Variants in SESN3 observed in about 807,000 individuals in gnomAD.
The protein encoded by SESN3 is sestrin-3.
In SESN3, 21 loss-of-function variants were observed where a neutral mutation model predicts 55.3. The observed-to-expected ratio is 0.38, with a 90% CI of 0.27 to 0.55. SESN3 has a LOEUF of 0.55. Among genes scored for constraint, SESN3 ranks in the 20% least tolerant of loss-of-function variants. SESN3 has a pLI of 0.76. For synonymous variants in SESN3, 181 were observed against 203.1 expected (o/e 0.89, Z 0.93); for missense variants, 408 against 604.3 (o/e 0.68, Z 3.41).
chr11:95,223,762 C>T lies in SESN3; in HGVS notation c.78+7021G>A, dbSNP rs966799935. Among the ~76,000 whole-genome samples, 9 of 151,254 alleles carry T rather than the reference C, an allele frequency of 6.0e-5. No homozygotes were observed. In the East Asian group the frequency reaches 1.0e-3, roughly 17 times the overall value. On this transcript the variant is annotated intron_variant, in intron 1 of 9. Transcript: ENST00000536441. ...ACTGGCATCAGTAGTAACTCTGGCT[C>T]AGTAGTTCGTAAATGTCTTGGTCCT...
At position 95,185,512 on chromosome 11, in the gene SESN3, C is replaced by A. The variant is rs772684554; in HGVS notation, c.526-20G>T. The A allele has an allele frequency of 9.5e-6, 14 of 1,476,118 alleles. No individual in the cohort carries two copies. The highest frequency in any genetic ancestry group is 1.2e-5 in the Non-Finnish European group (13 of 1,058,214). 91.4% of individuals were successfully genotyped at this position (1,476,118 alleles called of 1,614,324 possible). On this transcript the variant is annotated intron_variant, in intron 4 of 9. Transcript: ENST00000536441. ...AAGTTTCTGAAATAAGAAAGCAAAT[C>A]AGAGCAAATATAAAAATTCTAGAAT... is the stretch of plus-strand genomic sequence containing the variant.
Position 95,177,770 on chromosome 11 carries a change from G to A in SESN3, c.1196C>T (p.Thr399Ile), listed in dbSNP as rs772062473. ...GTTAAATAAAGCTCTGCGCAGCATG[G>A]TTGTGTCAACATCCTCATGGGTGGC... Reference protein sequence around the residue: ...TMATHEDVDTTMLRRALFNYV... With the variant: ...TMATHEDVDTIMLRRALFNYV... Residue 399 changes from threonine to isoleucine, a missense_variant, in exon 8 of 10, where the codon ACC becomes ATC. Physicochemically the swap from Thr to Ile is moderately conservative, Grantham distance 89. Coordinates refer to ENST00000536441, the MANE Select transcript of SESN3 (RefSeq NM_144665.4). 2 of 1,612,706 alleles carry A rather than the reference G, an allele frequency of 1.2e-6. No homozygotes were observed. Among genetic ancestry groups the A allele is most frequent in the South Asian group, 2.2e-5 (2 of 90,824 alleles).
chr11:95,216,257 G>A (rs1860755242), intron 1 of SESN3, among the ~76,000 whole-genome samples: 1 of 152,066 alleles, frequency 6.6e-6, no homozygotes, highest in Non-Finnish European at 1.5e-5. Context: ...GACTATAAAG[G>A]TAGAACAAAA....
At chr11:95,214,967 C>T (rs1468499723) in intron 1 of SESN3, among the ~76,000 whole-genome samples, 1 of 152,118 alleles carries the variant, frequency 6.6e-6, no homozygotes, top group Non-Finnish European at 1.5e-5. Context: ...ACATATTTTT[C>T]TTACAGTGAG....
intron 1 of SESN3, among the ~76,000 whole-genome samples, chr11:95,227,232 C>T (rs1184569583): frequency 3.4e-5 from 5 of 147,496 alleles, no homozygotes; most frequent in African/African-American, 1.0e-4. Context: ...TCTTGTTGCT[C>T]AGGCTGCAGT....
In SESN3 at chr11:95,170,863, A is replaced by T. The variant is rs1859836792; in HGVS notation, c.*2392T>A. On this transcript the variant is annotated 3_prime_UTR_variant, in exon 10 of 10. Coordinates refer to ENST00000536441, the MANE Select transcript of SESN3 (RefSeq NM_144665.4). ...AAGATAGATCAATGCTGAGCTAAAAAGAAACTTTGCAAGGAAAGAGATCTA... is the reference window on the plus strand; with the variant it reads ...AAGATAGATCAATGCTGAGCTAAAATGAAACTTTGCAAGGAAAGAGATCTA... 1 of 152,212 alleles carries T rather than the reference A, an allele frequency of 6.6e-6. No homozygotes were observed. The highest frequency in any genetic ancestry group is 2.4e-5 in the African/African-American group (1 of 41,464). 9.4% of individuals were successfully genotyped at this position (152,212 alleles called of 1,614,324 possible).
chr11:95,202,871 G>T (rs998737110), intron 1 of SESN3, among the ~76,000 whole-genome samples: 1 of 151,970 alleles, frequency 6.6e-6, no homozygotes, highest in Non-Finnish European at 1.5e-5. Context: ...TTTCTGTATT[G>T]TGTAACAATA....
At chr11:95,178,921 T>C in intron 6 of SESN3, 93 bp from the exon 7 acceptor site, 1 of 673,982 alleles carries the variant, frequency 1.5e-6, no homozygotes, top group Non-Finnish European at 2.6e-6. Flanking sequence ...TTTTAGCTTT[T>C]CCATGGATTT....
Position 95,172,708 on chromosome 11 carries a change from T to C in SESN3, c.*547A>G, listed in dbSNP as rs1026236741. 1.3e-5 allele frequency: 2 copies of C among 152,022 alleles called. No homozygotes were observed. The highest frequency in any genetic ancestry group is 1.5e-5 in the Non-Finnish European group (1 of 68,014). The allele number at this position is 152,022 out of a possible 1,614,324, so 9.4% of individuals were successfully genotyped here. Reference sequence around the variant, plus strand: ...CAAATAAAAAACAGTGCCTGACAAATAATCTCCTGGGGACACAAATATGTG... The same window carrying C: ...CAAATAAAAAACAGTGCCTGACAAACAATCTCCTGGGGACACAAATATGTG... On this transcript the variant is annotated 3_prime_UTR_variant, in exon 10 of 10. Coordinates refer to ENST00000536441, the MANE Select transcript of SESN3 (RefSeq NM_144665.4).
intron 1 of SESN3, among the ~76,000 whole-genome samples, chr11:95,209,534 C>A (rs1860610648): frequency 6.6e-6 from 1 of 151,300 alleles, no homozygotes; most frequent in Non-Finnish European, 1.5e-5. Flanking sequence ...TTTGACCCAG[C>A]AATCCCATTA....
chr11:95,178,162 C>T (rs948945058), intron 7 of SESN3, among the ~76,000 whole-genome samples: 9 of 152,134 alleles, frequency 5.9e-5, no homozygotes, highest in Admixed American at 3.3e-4. Context: ...TCAGGTACTA[C>T]GCACACTATC....
Position 95,178,693 on chromosome 11 carries a change from T to G in SESN3, c.1056+17A>C. On this transcript the variant is annotated intron_variant, in intron 7 of 9. Coordinates refer to ENST00000536441, the MANE Select transcript of SESN3 (RefSeq NM_144665.4). Reference sequence around the variant, plus strand: ...GACAGTATGTTCTAGTTTCTCTGAATTAAAGACATATTATACCTGAGCTCG... The same window carrying G: ...GACAGTATGTTCTAGTTTCTCTGAAGTAAAGACATATTATACCTGAGCTCG... 1 of 1,451,038 alleles carries G rather than the reference T, an allele frequency of 6.9e-7. No individual in the cohort carries two copies. The highest frequency in any genetic ancestry group is 1.1e-5 in the South Asian group (1 of 87,782). 89.9% of individuals were successfully genotyped at this position (1,451,038 alleles called of 1,614,324 possible).
At chr11:95,211,485 ATACAAC>A (rs1222755874) in intron 1 of SESN3, among the ~76,000 whole-genome samples, 2 of 152,186 alleles carry the variant, frequency 1.3e-5, no homozygotes, top group Non-Finnish European at 2.9e-5. Context: ...GACATCATCT[ATACAAC>A]TATAAAAGGC....
In SESN3 at chr11:95,231,198, A is replaced by AGTGCGGCCCCGCCT; in HGVS notation, c.-339_-338insAGGCGGGGCCGCAC. 3.0e-6 allele frequency: 1 copy of AGTGCGGCCCCGCCT among 335,248 alleles called. No individual in the cohort carries two copies. The highest frequency in any genetic ancestry group is 5.2e-6 in the Non-Finnish European group (1 of 192,372). The allele number at this position is 335,248 out of a possible 1,614,324, so 20.8% of individuals were successfully genotyped here. On this transcript the variant is annotated 5_prime_UTR_variant, in exon 1 of 10. Coordinates refer to ENST00000536441, the MANE Select transcript of SESN3 (RefSeq NM_144665.4). ...GCCACCACCGCCGCCGCAGCGCCTC[A>AGTGCGGCCCCGCCT]GTGCGGCCCCGCCTCCGCCGCCCCA...
chr11:95,180,923 T>C (rs2134222152), intron 6 of SESN3, among the ~76,000 whole-genome samples: 1 of 152,242 alleles, frequency 6.6e-6, no homozygotes, highest in South Asian at 2.1e-4. Flanking sequence ...CAGCTTATAC[T>C]TTCCTTAATT....
chr11:95,218,589 T>C (rs1315599211), intron 1 of SESN3, among the ~76,000 whole-genome samples: 1 of 151,026 alleles, frequency 6.6e-6, no homozygotes, highest in African/African-American at 2.4e-5. Flanking sequence ...GCAATCTGTA[T>C]AATTTTACAA....
At chr11:95,225,157 A>ATAC (rs1263238361) in intron 1 of SESN3, among the ~76,000 whole-genome samples, 3 of 152,324 alleles carry the variant, frequency 2.0e-5, no homozygotes, top group Middle Eastern at 3.4e-3. Flanking sequence ...AACCTGATTA[A>ATAC]TACTAAGGGG....
chr11:95,230,849 GC>G lies in SESN3; in HGVS notation c.11del (p.Gly4AlafsTer33). On this transcript the variant is annotated frameshift_variant, in exon 1 of 10. Coordinates refer to ENST00000536441, the MANE Select transcript of SESN3 (RefSeq NM_144665.4). LOFTEE classifies it high-confidence loss of function. This position sits in a 1 kb window ranked among gnomAD's most constrained non-coding sequence, Gnocchi z 4.6. The part of the protein sequence containing the change: MNR[G>X]GGSPSAAANY... ...TGGCGGCGGCCGACGGGCTGCCGCC[GC>G]CCCGGTTCATCGTGGCTGCGGGCGC... is the stretch of plus-strand genomic sequence containing the variant. 2 of 1,582,294 alleles carry G rather than the reference GC, an allele frequency of 1.3e-6. No homozygotes were observed.
Position 95,166,463 on chromosome 11 carries a change from T to C in SESN3, c.*6792A>G, listed in dbSNP as rs968297714. The stretch of plus-strand genomic sequence containing the variant: ...ACAACTTAAGGATAAATGTCTAACA[T>C]TGAAAGTCAAGAAGTTGGCAATCTG... On this transcript the variant is annotated 3_prime_UTR_variant, in exon 10 of 10. Transcript: ENST00000536441. The C allele has an allele frequency of 1.4e-4, 22 of 152,210 alleles. No homozygotes were observed. Among genetic ancestry groups the C allele is most frequent in the Admixed American group, 4.6e-4 (7 of 15,278 alleles). 9.4% of individuals were successfully genotyped at this position (152,210 alleles called of 1,614,324 possible). A position where few individuals can be genotyped will look rare whatever the true frequency, so the allele number is the denominator to read the frequency against.
Sources: allele counts gnomAD v4.1 joint callset (sites outside exome capture counted in the v4.1 genomes callset), GRCh38; gene constraint gnomAD v4.1.1; non-coding constraint Gnocchi (gnomAD v3.1); transcripts MANE v1.5; gene names NCBI Gene and HGNC (gene_info 2026-07-23, HGNC 2026-07-21).